The following MME variants were observed in gnomAD, a reference collection of about 807,000 sequenced individuals.
The protein encoded by MME is membrane metalloendopeptidase.
A neutral mutation model predicts 113.2 loss-of-function variants in MME; 98 were observed. The ratio of observed to expected loss-of-function variants is 0.87; its 90% confidence interval spans 0.74 to 1.02. The LOEUF (loss-of-function observed/expected upper bound fraction) is 1.02, where lower values mean the gene tolerates loss of function less well. Ranked by LOEUF, MME falls within the 50% of genes least tolerant of loss-of-function variation. The pLI, the probability that MME is intolerant of heterozygous loss-of-function variation, is 0.00. For synonymous variants in MME, 292 were observed against 300.6 expected, an observed-to-expected ratio of 0.97 and a Z score of 0.30; for missense variants, 836 against 896.0, an observed-to-expected ratio of 0.93 and a Z score of 0.86.
intron 18 of MME, among the ~76,000 whole-genome samples, chr3:155,167,554 A>G (rs1423547510): frequency 3.3e-5 from 5 of 152,174 alleles, no homozygotes. Flanking sequence ...TCAAAGCTGA[A>G]TTCCTGAGAG....
chr3:155,118,191 A>G (rs1407032196), intron 7 of MME, among the ~76,000 whole-genome samples: 2 of 152,110 alleles, frequency 1.3e-5, no homozygotes, highest in African/African-American at 4.8e-5. Context: ...CTTAAAAAAC[A>G]TTTTCTGGCA....
chr3:155,127,599 TGAG>T (rs1225728859), intron 8 of MME, among the ~76,000 whole-genome samples: 1 of 152,206 alleles, frequency 6.6e-6, no homozygotes, highest in Non-Finnish European at 1.5e-5. Context: ...ATTTAAAAGA[TGAG>T]GAGTACATAT....
chr3:155,118,511 G>C (rs1168586700), intron 7 of MME, among the ~76,000 whole-genome samples: 1 of 152,050 alleles, frequency 6.6e-6, no homozygotes, highest in Admixed American at 6.6e-5. Context: ...ACTTTCTTTT[G>C]TTTTCCTTAA....
intron 8 of MME, among the ~76,000 whole-genome samples, chr3:155,128,153 A>T (rs1719838658): frequency 1.3e-5 from 2 of 152,190 alleles, no homozygotes; most frequent in African/African-American, 4.8e-5. Flanking sequence ...TAAAAGTTAC[A>T]TGTCATCCCA....
At chr3:155,152,464 A>T (rs1722002954) in intron 16 of MME, among the ~76,000 whole-genome samples, 1 of 152,200 alleles carries the variant, frequency 6.6e-6, no homozygotes, top group South Asian at 2.1e-4. Context: ...GTAGCTCTTT[A>T]TGAATGTTTA....
intron 1 of MME, among the ~76,000 whole-genome samples, chr3:155,040,364 A>C (rs923155433): frequency 3.3e-5 from 5 of 151,872 alleles, no homozygotes; most frequent in Non-Finnish European, 4.4e-5. Flanking sequence ...TCCTTGAAAC[A>C]ATACCACCCC....
At chr3:155,044,402 G>A (rs76190037) in intron 1 of MME, among the ~76,000 whole-genome samples, 22,135 of 151,756 alleles carry the variant, frequency 0.15, 2,761 homozygotes, top group African/African-American at 0.34. Flanking sequence ...CAGAGTACTG[G>A]GAGATTACAG....
chr3:155,141,964 G>A, intron 10 of MME, 27 bp from the exon 11 acceptor site: 3 of 1,613,126 alleles, frequency 1.9e-6, no homozygotes, highest in South Asian at 2.2e-5. Flanking sequence ...CACAATTTCT[G>A]AATGTTTCAT....
At chr3:155,059,118 G>A (rs1714044989) in intron 1 of MME, among the ~76,000 whole-genome samples, 1 of 151,898 alleles carries the variant, frequency 6.6e-6, no homozygotes, top group African/African-American at 2.4e-5. Context: ...ACCCAGGCAT[G>A]CTGGTGTACG....
intron 20 of MME, among the ~76,000 whole-genome samples, chr3:155,170,136 C>T (rs1358771186): frequency 6.6e-6 from 1 of 152,166 alleles, no homozygotes; most frequent in Non-Finnish European, 1.5e-5. Context: ...GCCTCTACCT[C>T]CTGGGTTCAA....
At chr3:155,164,106 T>A (rs1224018423) in intron 17 of MME, among the ~76,000 whole-genome samples, 1 of 148,470 alleles carries the variant, frequency 6.7e-6, no homozygotes, top group African/African-American at 2.5e-5. Flanking sequence ...GTCACACCAC[T>A]GCACTTCAGC....
intron 3 of MME, among the ~76,000 whole-genome samples, chr3:155,096,506 A>G (rs773552015): frequency 2.0e-5 from 3 of 152,224 alleles, no homozygotes; most frequent in Admixed American, 6.5e-5. Context: ...AGTCTGTGTT[A>G]AAGTGAATGC....
At chr3:155,134,218 T>G (rs926959417) in intron 8 of MME, among the ~76,000 whole-genome samples, 9 of 152,066 alleles carry the variant, frequency 5.9e-5, no homozygotes, top group Admixed American at 1.3e-4. Context: ...AGGTTTAGAA[T>G]ATGAATGACC....
upstream of MME, among the ~76,000 whole-genome samples, chr3:155,075,916 C>T (rs762916547): frequency 6.6e-6 from 1 of 152,110 alleles, no homozygotes; most frequent in African/African-American, 2.4e-5. Flanking sequence ...TATCACCATT[C>T]TTTTATTTTT....
chr3:155,126,418 TTC>T (rs1051681296), intron 8 of MME, among the ~76,000 whole-genome samples: 2 of 152,132 alleles, frequency 1.3e-5, no homozygotes, highest in African/African-American at 4.8e-5. Context: ...CTTTTTTTTT[TTC>T]ATTGTTAAGA....
intron 1 of MME, among the ~76,000 whole-genome samples, chr3:155,064,373 A>G (rs1714315088): frequency 6.6e-6 from 1 of 152,194 alleles, no homozygotes; most frequent in Non-Finnish European, 1.5e-5. Flanking sequence ...AAAATATTCA[A>G]TAATGAAGGC....
chr3:155,160,909 A>C (rs1477739168), intron 17 of MME, among the ~76,000 whole-genome samples: 1 of 152,058 alleles, frequency 6.6e-6, no homozygotes, highest in Non-Finnish European at 1.5e-5. Context: ...ATTCTATGTC[A>C]TCTTCATTCA....
At chr3:155,172,044 T>C (rs1229334337) in intron 20 of MME, 73 bp from the exon 21 acceptor site, 2 of 878,446 alleles carry the variant, frequency 2.3e-6, no homozygotes, top group Non-Finnish European at 1.9e-6. Context: ...CTTGGTGGCA[T>C]GATCTTTTAC....
chr3:155,169,769 A>T (rs565954556), intron 20 of MME, among the ~76,000 whole-genome samples: 85 of 152,146 alleles, frequency 5.6e-4, no homozygotes, highest in Non-Finnish European at 9.9e-4. Context: ...GAGGATGTAG[A>T]ATCATTTGTT....
Sources: allele counts gnomAD v4.1 joint callset (sites outside exome capture counted in the v4.1 genomes callset), GRCh38; gene constraint gnomAD v4.1.1; transcripts MANE v1.5; gene names NCBI Gene and HGNC (gene_info 2026-07-23, HGNC 2026-07-21).